EPS15L1: variants seen among roughly 807,000 people sequenced by gnomAD.
The protein encoded by EPS15L1 is epidermal growth factor receptor pathway substrate 15 like 1.
In EPS15L1, 43 loss-of-function variants were observed where a neutral mutation model predicts 117.1. The observed-to-expected ratio is 0.37, with a 90% CI of 0.29 to 0.47. The LOEUF is 0.47. EPS15L1 is among the 20% of genes least tolerant of loss of function. The pLI is 0.99. For synonymous variants in EPS15L1, 459 were observed against 470.5 expected (o/e 0.98, Z 0.32); for missense variants, 981 against 1,164.0 (o/e 0.84, Z 2.29).
At chr19:16,380,147 G>A (rs2092344928) in intron 21 of EPS15L1, among the ~76,000 whole-genome samples, 1 of 151,722 alleles carries the variant, frequency 6.6e-6, no homozygotes, top group Non-Finnish European at 1.5e-5. Flanking sequence ...TCGCACAGAC[G>A]CAGCCATCTA....
rs1254488635 is a variant in EPS15L1 at position 16,425,087 on chromosome 19, G to A, written c.788C>T (p.Thr263Ile). Reference protein sequence around the residue: ...SLSPKHSLKQTQPTVNWVVPV... With the variant: ...SLSPKHSLKQIQPTVNWVVPV... ...TGCCCGCTGAGGGCTCCGTACCTGT[G>A]TTTGCTTGAGGCTGTGCTTGGGGGA... Residue 263 changes from threonine to isoleucine, a missense_variant, in exon 9 of 24, where the codon ACA becomes ATA. Thr to Ile is a moderately conservative substitution (Grantham distance 89). This residue lies in a region of EPS15L1 where 819 missense variants were observed against 949.0 expected (regional missense o/e 0.86). Coordinates refer to ENST00000455140, the MANE Select transcript of EPS15L1 (RefSeq NM_001258374.3). 2 of 1,613,900 alleles carry A rather than the reference G, an allele frequency of 1.2e-6. No homozygotes were observed. The highest frequency in any genetic ancestry group is 4.5e-5 in the East Asian group (2 of 44,886).
intron 19 of EPS15L1, among the ~76,000 whole-genome samples, chr19:16,391,811 A>G (rs73509175): frequency 0.19 from 28,608 of 151,908 alleles, 2,903 homozygotes; most frequent in African/African-American, 0.26. Context: ...AGCCGGGCTG[A>G]GACGCCTGCA....
intron 17 of EPS15L1, among the ~76,000 whole-genome samples, chr19:16,394,710 A>G (rs927817293): frequency 1.3e-5 from 2 of 152,146 alleles, no homozygotes; most frequent in African/African-American, 4.8e-5. Context: ...AGGTACTTTC[A>G]TGATCATTAC....
At chr19:16,449,768 T>C (rs1337510102) in intron 1 of EPS15L1, among the ~76,000 whole-genome samples, 1 of 151,990 alleles carries the variant, frequency 6.6e-6, no homozygotes, top group African/African-American at 2.4e-5. Flanking sequence ...AATAAGTGAG[T>C]GGTTCAGCAA....
chr19:16,382,359 A>G (rs1004520752), intron 21 of EPS15L1, among the ~76,000 whole-genome samples: 1 of 152,160 alleles, frequency 6.6e-6, no homozygotes, highest in Non-Finnish European at 1.5e-5. Context: ...GAAAATCTCT[A>G]TTTTTAGAAA....
At chr19:16,366,103 G>A (rs1450365104) in intron 22 of EPS15L1, among the ~76,000 whole-genome samples, 1 of 152,192 alleles carries the variant, frequency 6.6e-6, no homozygotes, top group Non-Finnish European at 1.5e-5. Context: ...TTCTAGCAGA[G>A]GAAACAGTTA....
At chr19:16,442,292 A>C (rs1234257805) in intron 1 of EPS15L1, 73 bp from the exon 2 acceptor site, 3 of 1,279,874 alleles carry the variant, frequency 2.3e-6, no homozygotes, top group Admixed American at 3.6e-5. Context: ...TGCCCCCTCA[A>C]TTTTGTCATG....
Position 16,371,051 on chromosome 19 carries a change from G to A in EPS15L1, c.2380+6071C>T, listed in dbSNP as rs1020619277. Among the ~76,000 whole-genome samples, 5 of 152,244 alleles carry A rather than the reference G, an allele frequency of 3.3e-5. No individual in the cohort carries two copies. Among genetic ancestry groups the A allele is most frequent in the African/African-American group, 9.6e-5 (4 of 41,466 alleles). ...ATCTCTCTGAGATCATCGTGGGAAC[G>A]AAATTGAAGTAGTTAAGTTCAAGGC... On this transcript the variant is annotated intron_variant, in intron 22 of 23. Transcript: ENST00000455140. This position sits in a 1 kb window ranked among gnomAD's most constrained non-coding sequence, Gnocchi z 4.7.
chr19:16,425,225 G>A lies in EPS15L1; in HGVS notation c.650C>T (p.Thr217Ile). ...GACGGGGACGGCGCCAGGGAACACA[G>A]TCTTCTTTCTCTTGGAGGGTGGGAT... ...SLIPPSKRKK[T>I]VFPGAVPVLP... The change falls in exon 9 of 24, where the codon ACT becomes ATT. Residue 217 changes from threonine (T) to isoleucine (I), a missense_variant. By Grantham distance (89) the Thr-to-Ile change is moderately conservative (BLOSUM62 -1). This residue lies in a region of EPS15L1 where 819 missense variants were observed against 949.0 expected (regional missense o/e 0.86). Coordinates refer to ENST00000455140, the MANE Select transcript of EPS15L1 (RefSeq NM_001258374.3). 1.4e-6 allele frequency: 2 copies of A among 1,473,010 alleles called. No individual in the cohort carries two copies. The highest frequency in any genetic ancestry group is 1.8e-6 in the Non-Finnish European group (2 of 1,082,746). 91.2% of individuals were successfully genotyped at this position (1,473,010 alleles called of 1,614,324 possible). A position where few individuals can be genotyped will look rare whatever the true frequency, so the allele number is the denominator to read the frequency against.
intron 13 of EPS15L1, among the ~76,000 whole-genome samples, chr19:16,410,657 C>T (rs1348659651): frequency 6.6e-6 from 1 of 152,176 alleles, no homozygotes; most frequent in Non-Finnish European, 1.5e-5. Context: ...TGCCTGTAAT[C>T]CCAGCACTCT....
chr19:16,417,188 T>C (rs1464707178), intron 12 of EPS15L1, among the ~76,000 whole-genome samples: 2 of 148,580 alleles, frequency 1.3e-5, no homozygotes, highest in East Asian at 2.0e-4. Flanking sequence ...GCTGTGCCCA[T>C]GACCTGCCTG....
chr19:16,447,959 C>T (rs1224667161), intron 1 of EPS15L1, among the ~76,000 whole-genome samples: 1 of 152,054 alleles, frequency 6.6e-6, no homozygotes, highest in East Asian at 1.9e-4. Context: ...ACAGATCTGC[C>T]CAGTGGATTT....
chr19:16,372,198 A>G (rs1185999951), intron 22 of EPS15L1, among the ~76,000 whole-genome samples: 3 of 152,212 alleles, frequency 2.0e-5, no homozygotes, highest in African/African-American at 7.2e-5. Context: ...TGGGCTACTC[A>G]GCTGTACGCT....
At chr19:16,402,300 A>G in intron 16 of EPS15L1, 21 bp downstream of exon 16, 1 of 1,596,412 alleles carries the variant, frequency 6.3e-7, no homozygotes, top group Non-Finnish European at 8.5e-7. Flanking sequence ...CCATACTGTA[A>G]TACGTTTATT....
At chr19:16,394,948 G>A (rs1015164374) in intron 17 of EPS15L1, among the ~76,000 whole-genome samples, 3 of 152,078 alleles carry the variant, frequency 2.0e-5, no homozygotes, top group African/African-American at 7.2e-5. Context: ...TGCTGGGTGC[G>A]GTGCCTCACA....
At chr19:16,372,453 C>G (rs564487502) in intron 22 of EPS15L1, among the ~76,000 whole-genome samples, 1 of 152,356 alleles carries the variant, frequency 6.6e-6, no homozygotes, top group African/African-American at 2.4e-5. Flanking sequence ...GACCCAAACT[C>G]ACATTTGGTC....
At chr19:16,443,755 G>A (rs561313810) in intron 1 of EPS15L1, among the ~76,000 whole-genome samples, 6 of 151,880 alleles carry the variant, frequency 4.0e-5, no homozygotes, top group African/African-American at 9.7e-5. Flanking sequence ...TATGGTCAGC[G>A]TCTCTGGGGG....
chr19:16,403,749 TGCGTTGACTTCAGGGACTTGATGA>T lies in EPS15L1; in HGVS notation c.1586_1609del (p.Ile529_Gln537delinsLys). 1.2e-6 allele frequency: 2 copies of T among 1,613,102 alleles called. No homozygotes were observed. The highest frequency in any genetic ancestry group is 1.7e-6 in the Non-Finnish European group (2 of 1,180,022). On this transcript the variant is annotated inframe_deletion, in exon 15 of 24. Transcript: ENST00000455140. ...GTGAAGTACCTGGTTGATTTCGTCT[TGCGTTGACTTCAGGGACTTGATGA>T]TGGTTTCCAGCTGGACTCGCCCAGC...
Position 16,371,832 on chromosome 19 carries a change from T to C in EPS15L1, c.2380+5290A>G, listed in dbSNP as rs1171984384. Among the ~76,000 whole-genome samples the C allele has an allele frequency of 6.6e-6, 1 of 152,258 alleles. No homozygotes were observed. Among genetic ancestry groups the C allele is most frequent in the African/African-American group, 2.4e-5 (1 of 41,474 alleles). On this transcript the variant is annotated intron_variant, in intron 22 of 23. Transcript: ENST00000455140. This position sits in a 1 kb window ranked among gnomAD's most constrained non-coding sequence, Gnocchi z 4.7. ...CTAGAAACTCTTCAGCGGTGAGCTC[T>C]GACTGATCTTGATCTCCGGTCCGTT...
Sources: gnomAD v4.1 joint callset for allele counts (sites outside exome capture counted in the v4.1 genomes callset) on GRCh38, gnomAD v4.1.1 for gene constraint, gnomAD v4.1.1 regional missense constraint, Gnocchi (gnomAD v3.1) non-coding constraint, MANE v1.5 for transcripts, NCBI Gene and HGNC (gene_info 2026-07-23, HGNC 2026-07-21) for gene names.